The following DMXL2 variants were observed in gnomAD, a reference collection of about 807,000 sequenced individuals.
The protein encoded by DMXL2 is Dmx like 2, also known as dmX-like protein 2.
A neutral mutation model predicts 331.1 loss-of-function variants in DMXL2; 103 were observed. The observed-to-expected ratio is 0.31, with a 90% CI of 0.27 to 0.37. The LOEUF (loss-of-function observed/expected upper bound fraction) is 0.37. Among genes scored for constraint, DMXL2 ranks in the 10% least tolerant of loss-of-function variants. The pLI, the probability that DMXL2 is intolerant of heterozygous loss-of-function variation, is 1.00. For synonymous variants in DMXL2, 1,281 were observed against 1,252.1 expected (o/e 1.02, Z -0.49); for missense variants, 3,171 against 3,642.9 (o/e 0.87, Z 3.33).
intron 6 of DMXL2, 146 bp downstream of exon 6, chr15:51,563,235 C>T: frequency 1.5e-6 from 1 of 674,256 alleles, no homozygotes; most frequent in Non-Finnish European, 2.4e-6. Context: ...AGGTCTTTTA[C>T]AAACACCACT....
chr15:51,475,779 G>C (rs1206591698), intron 27 of DMXL2, among the ~76,000 whole-genome samples: 2 of 152,192 alleles, frequency 1.3e-5, no homozygotes, highest in Non-Finnish European at 2.9e-5. Context: ...AATTATGTGA[G>C]AATGTCTGTT....
Position 51,463,370 on chromosome 15 carries a change from T to C in DMXL2, c.7926+9A>G, listed in dbSNP as rs748389096. The C allele has an allele frequency of 2.1e-6, 3 of 1,432,900 alleles. No homozygotes were observed. The highest frequency in any genetic ancestry group is 1.9e-6 in the Non-Finnish European group (2 of 1,033,284). The allele number at this position is 1,432,900 out of a possible 1,614,324, so 88.8% of individuals were successfully genotyped here. On this transcript the variant is annotated intron_variant, in intron 33 of 43. Transcript: ENST00000560891. ...AAAATTACAATAGAAAATATTTTTC[T>C]CAAAATACCTCACTCTGCTTTCTTT...
intron 1 of DMXL2, among the ~76,000 whole-genome samples, chr15:51,622,126 T>A (rs1221263637): frequency 6.6e-6 from 1 of 151,554 alleles, no homozygotes; most frequent in African/African-American, 2.4e-5. Flanking sequence ...CGCTCTGGGG[T>A]TTCAGCCGCA....
intron 1 of DMXL2, among the ~76,000 whole-genome samples, chr15:51,612,514 C>G (rs1269619535): frequency 6.6e-6 from 1 of 152,074 alleles, no homozygotes; most frequent in Non-Finnish European, 1.5e-5. Context: ...GGGGAGACAT[C>G]ACATGTCAGC....
Position 51,622,509 on chromosome 15 carries a change from G to A in DMXL2, c.37C>T (p.Pro13Ser). 2 of 1,569,336 alleles carry A rather than the reference G, an allele frequency of 1.3e-6. No homozygotes were observed. ...CCCACGGAGTAGCAGTTGTCTCCAG[G>A]GTTGACAGCTCCGGTGAGGACCTGA... ...LHQVLTGAVN[P>S]GDNCYSVGSV... The change falls in exon 1 of 44, where the codon CCT (proline) becomes TCT (serine). Residue 13 changes from proline to serine, a missense_variant. This residue lies in a region of DMXL2 where 1,674 missense variants were observed against 1,780.2 expected (regional missense o/e 0.94). Transcript: ENST00000560891.
intron 8 of DMXL2, 126 bp from the exon 9 acceptor site, chr15:51,542,633 A>G (rs2048664228): frequency 1.5e-6 from 1 of 668,576 alleles, no homozygotes; most frequent in Non-Finnish European, 2.4e-6. Context: ...TTTAAAGGAA[A>G]CTTTTTAAAT....
intron 1 of DMXL2, among the ~76,000 whole-genome samples, chr15:51,614,713 G>A (rs974987306): frequency 5.3e-5 from 8 of 151,996 alleles, no homozygotes; most frequent in Non-Finnish European, 7.4e-5. Flanking sequence ...GTACTTTTTT[G>A]TACCACCTTC....
chr15:51,585,489 T>C lies in DMXL2; in HGVS notation c.88-9308A>G, dbSNP rs530231037. 8.5e-5 allele frequency among the ~76,000 whole-genome samples: 13 copies of C among 152,208 alleles called. No individual in the cohort carries two copies. The South Asian group carries it at 2.7e-3, about 32-fold the overall frequency. On this transcript the variant is annotated intron_variant, in intron 1 of 43. Coordinates refer to ENST00000560891, the MANE Select transcript of DMXL2 (RefSeq NM_001378457.1). ...CTTTGCCATAATTAATTTTGGTTGT[T>C]TCCAGTCTTTTACTATTTCAAACAA...
chr15:51,451,581 G>T, intron 42 of DMXL2, 64 bp downstream of exon 42: 1 of 1,266,684 alleles, frequency 7.9e-7, no homozygotes, highest in Non-Finnish European at 1.1e-6. Context: ...AACCAAGAAA[G>T]CATTCCTTCA....
intron 13 of DMXL2, among the ~76,000 whole-genome samples, chr15:51,517,818 A>G (rs947156375): frequency 2.6e-5 from 4 of 152,230 alleles, no homozygotes; most frequent in African/African-American, 7.2e-5. Context: ...GCCTAGAGAT[A>G]TAAGTACAAG....
chr15:51,563,116 T>C lies in DMXL2; in HGVS notation c.567+265A>G, dbSNP rs536691518. On this transcript the variant is annotated intron_variant, in intron 6 of 43. Transcript: ENST00000560891. ...TTTTTAAGTTATGTACATATGCTATTTTTAAACACAAAACTTAGTTTTTAA... is the reference window on the plus strand; with the variant it reads ...TTTTTAAGTTATGTACATATGCTATCTTTAAACACAAAACTTAGTTTTTAA... Among the ~76,000 whole-genome samples the C allele has an allele frequency of 4.6e-5, 7 of 151,498 alleles. No individual in the cohort carries two copies. The South Asian group carries it at 1.4e-3, about 31-fold the overall frequency.
At chr15:51,621,754 A>G (rs2054641097) in intron 1 of DMXL2, among the ~76,000 whole-genome samples, 1 of 152,118 alleles carries the variant, frequency 6.6e-6, no homozygotes, top group Admixed American at 6.5e-5. Context: ...ATTAAAAAAA[A>G]GGCTACCTTA....
chr15:51,605,822 C>T (rs28570139), intron 1 of DMXL2, among the ~76,000 whole-genome samples: 2 of 42,144 alleles, frequency 4.7e-5, no homozygotes, highest in African/African-American at 6.7e-5. Flanking sequence ...GGATTACAGG[C>T]GTGAGCCACC....
intron 1 of DMXL2, among the ~76,000 whole-genome samples, chr15:51,604,920 T>C (rs532117545): frequency 6.6e-6 from 1 of 152,260 alleles, no homozygotes; most frequent in African/African-American, 2.4e-5. Context: ...AGAATACAGA[T>C]TCCAGAAATA....
chr15:51,515,359 T>A (rs1000717637), intron 14 of DMXL2, among the ~76,000 whole-genome samples: 1 of 152,096 alleles, frequency 6.6e-6, no homozygotes, highest in Non-Finnish European at 1.5e-5. Flanking sequence ...TATCTTGGCA[T>A]TGGATGAGGA....
At chr15:51,523,845 G>GTT (rs1204944205) in intron 13 of DMXL2, among the ~76,000 whole-genome samples, 1 of 152,194 alleles carries the variant, frequency 6.6e-6, no homozygotes, top group African/African-American at 2.4e-5. Flanking sequence ...AAAACTTATA[G>GTT]AAGTAAAAGG....
At chr15:51,472,786 T>C (rs1396751572) in intron 28 of DMXL2, among the ~76,000 whole-genome samples, 1 of 152,190 alleles carries the variant, frequency 6.6e-6, no homozygotes, top group Non-Finnish European at 1.5e-5. Context: ...TAACCCACAA[T>C]TATCTTTTAA....
chr15:51,468,083 T>A (rs1476754240), intron 29 of DMXL2, among the ~76,000 whole-genome samples: 1 of 152,194 alleles, frequency 6.6e-6, no homozygotes, highest in African/African-American at 2.4e-5. Context: ...TTTTAAAAGA[T>A]ACTATTCTTG....
chr15:51,478,454 G>T, intron 25 of DMXL2, 107 bp from the exon 26 acceptor site: 1 of 922,688 alleles, frequency 1.1e-6, no homozygotes, highest in Non-Finnish European at 1.7e-6. Context: ...TCATAAATAA[G>T]ACTGAATCCT....
Sources: allele counts gnomAD v4.1 joint callset (sites outside exome capture counted in the v4.1 genomes callset), GRCh38; gene constraint gnomAD v4.1.1; regional missense constraint gnomAD v4.1.1; transcripts MANE v1.5; gene names NCBI Gene and HGNC (gene_info 2026-07-23, HGNC 2026-07-21).